Variants in COL4A2 observed in about 807,000 individuals in gnomAD.
COL4A2 encodes the protein collagen alpha-2(IV) chain.
A neutral mutation model predicts 200.2 loss-of-function variants in COL4A2; 99 were observed. The ratio of observed to expected loss-of-function variants is 0.49; its 90% CI spans 0.42 to 0.58. The LOEUF (loss-of-function observed/expected upper bound fraction) is 0.58. Ranked by LOEUF, COL4A2 falls within the 20% of genes least tolerant of loss-of-function variation. COL4A2 has a pLI of 0.00. For missense variants in COL4A2, 1,950 were observed against 2,314.1 expected (o/e 0.84, Z 3.23); for synonymous variants, 897 against 900.6 (o/e 1.00, Z 0.07).
chr13:110,505,178 G>A (rs113382081), intron 45 of COL4A2, among the ~76,000 whole-genome samples: 1,943 of 151,300 alleles, frequency 0.013, 16 homozygotes, highest in Non-Finnish European at 0.02. Context: ...GTGAAACCCC[G>A]TCTCTACTAA....
intron 40 of COL4A2, among the ~76,000 whole-genome samples, chr13:110,497,402 A>G (rs1255694661): frequency 2.8e-5 from 4 of 144,104 alleles, no homozygotes; most frequent in East Asian, 2.2e-4. Context: ...TCCACTCAGG[A>G]CTGAGGATTT....
intron 29 of COL4A2, among the ~76,000 whole-genome samples, chr13:110,476,963 T>C (rs1166361029): frequency 6.6e-6 from 1 of 152,198 alleles, no homozygotes; most frequent in African/African-American, 2.4e-5. Context: ...AGCAGCAGAA[T>C]AAACTTTACA....
intron 3 of COL4A2, among the ~76,000 whole-genome samples, chr13:110,314,285 A>G (rs1044351211): frequency 6.6e-6 from 1 of 152,234 alleles, no homozygotes; most frequent in Non-Finnish European, 1.5e-5. Flanking sequence ...AAATGCTCCC[A>G]GGAGTCAGCA....
chr13:110,495,342 G>A lies in COL4A2; in HGVS notation c.3635G>A (p.Gly1212Asp). The change falls in exon 40 of 48, where the codon GGT (glycine) becomes GAT (aspartate). Residue 1212 changes from glycine to aspartate, a missense_variant and splice_region_variant. This residue lies in a region of COL4A2 where 1,385 missense variants were observed against 1,720.5 expected (regional missense o/e 0.80). Coordinates refer to ENST00000360467, the MANE Select transcript of COL4A2 (RefSeq NM_001846.4). The part of the protein sequence containing the change: ...PGTKGFPGSP[G>D]SDIHGDPGFP... ...AGCTGCTGTTATAACTCTTCCACAGGTTCTGACATCCACGGAGACCCAGGC... is the reference window on the plus strand; with the variant it reads ...AGCTGCTGTTATAACTCTTCCACAGATTCTGACATCCACGGAGACCCAGGC... The A allele has an allele frequency of 1.2e-6, 2 of 1,614,136 alleles. No homozygotes were observed. Among genetic ancestry groups the A allele is most frequent in the Non-Finnish European group, 8.5e-7 (1 of 1,180,014 alleles).
In COL4A2 at chr13:110,507,999, T is replaced by C; in HGVS notation, c.4659T>C (p.Asp1553=). The change falls in exon 47 of 48, where the codon GAT becomes GAC. Residue 1553 remains aspartate (D), a synonymous_variant. Transcript: ENST00000360467. ...TMPFLYCNPG[D]VCYYASRNDK... ...CCTTCCTGTACTGCAACCCTGGTGA[T>C]GTCTGCTACTATGCCAGCCGGAACG... is the stretch of plus-strand genomic sequence containing the variant. 2 of 1,614,226 alleles carry C rather than the reference T, an allele frequency of 1.2e-6. No homozygotes were observed. Among genetic ancestry groups the C allele is most frequent in the Non-Finnish European group, 1.7e-6 (2 of 1,180,048 alleles).
At chr13:110,328,291 A>C (rs1413942906) in intron 3 of COL4A2, 1 of 152,234 alleles carries the variant, frequency 6.6e-6, no homozygotes, top group Admixed American at 6.5e-5. Context: ...GATTGTTTAA[A>C]AATCAGTTAA....
rs756435509 is a variant in COL4A2 at position 110,465,490 on chromosome 13, C to T, written c.1862C>T (p.Pro621Leu). 8.7e-6 allele frequency: 14 copies of T among 1,613,892 alleles called. No individual in the cohort carries two copies. The highest frequency in any genetic ancestry group is 1.2e-5 in the Non-Finnish European group (14 of 1,180,010). The change falls in exon 25 of 48, where the codon CCA (proline) becomes CTA (leucine). Residue 621 changes from proline (P) to leucine (L), a missense_variant. Transcript: ENST00000360467. Reference protein sequence around the residue: ...TKGTPGEMGPPGLGLPGLKGQ... With the variant: ...TKGTPGEMGPLGLGLPGLKGQ... ...GGTACTCCAGGAGAAATGGGCCCCC[C>T]AGGACTGGGCCTTCCCGGCCTCAAA...
At chr13:110,378,409 T>A (rs1878332554) in intron 4 of COL4A2, among the ~76,000 whole-genome samples, 1 of 152,252 alleles carries the variant, frequency 6.6e-6, no homozygotes, top group South Asian at 2.1e-4. Context: ...CCTTTCCCAG[T>A]TGAGGAAACT....
rs45520539 is a variant in COL4A2 at position 110,503,903 on chromosome 13, G to A, written c.4195G>A (p.Val1399Ile). 0.037 allele frequency: 59,844 copies of A among 1,613,090 alleles called. 1,286 individuals are homozygous for A. The highest frequency in any genetic ancestry group is 0.043 in the Non-Finnish European group (50,966 of 1,179,326). Residue 1399 changes from valine (V) to isoleucine (I), a missense_variant, in exon 44 of 48, where the codon GTC becomes ATC. Around this residue, in one of 2 missense-constraint regions of COL4A2, gnomAD observed 1,385 missense variants for 1,720.5 expected, o/e 0.80. Coordinates refer to ENST00000360467, the MANE Select transcript of COL4A2 (RefSeq NM_001846.4). ...TGCAGGAATCCCCCAGAAGATTGCC[G>A]TCCAACCAGGGACAGTGGGTCCCCA... is the stretch of plus-strand genomic sequence containing the variant. The part of the protein sequence containing the change: ...GIAGIPQKIA[V>I]QPGTVGPQGR...
At chr13:110,489,392 G>C (rs995513672) in intron 34 of COL4A2, 53 bp from the exon 35 acceptor site, 4 of 1,556,432 alleles carry the variant, frequency 2.6e-6, no homozygotes, top group Middle Eastern at 1.7e-4. Flanking sequence ...TAACTTCAGA[G>C]TTACAACTGA....
At position 110,407,530 on chromosome 13, in the gene COL4A2, G is replaced by A. The variant is rs113238802; in HGVS notation, c.181-17204G>A. Among the ~76,000 whole-genome samples the A allele has an allele frequency of 5.3e-5, 8 of 152,378 alleles. 1 individual carries two copies. Among genetic ancestry groups the A allele is most frequent in the African/African-American group, 1.7e-4 (7 of 41,588 alleles). ...CCCGAGTTTCACTCTGCAGGGAGCA[G>A]AGGGGCCTTCACGTTTTTACATTAG... On this transcript the variant is annotated intron_variant, in intron 4 of 47. Coordinates refer to ENST00000360467, the MANE Select transcript of COL4A2 (RefSeq NM_001846.4).
At chr13:110,312,027 C>G (rs1330115025) in intron 3 of COL4A2, among the ~76,000 whole-genome samples, 1 of 152,234 alleles carries the variant, frequency 6.6e-6, no homozygotes, top group Non-Finnish European at 1.5e-5. Context: ...TCATGCCGCA[C>G]GAGGCCCAGA....
chr13:110,457,763 G>A, intron 21 of COL4A2: 1 of 498,716 alleles, frequency 2.0e-6, no homozygotes, highest in Non-Finnish European at 4.1e-6. Context: ...CTGCACTCAG[G>A]TAGTGTCTCA....
At chr13:110,472,261 A>G (rs74454173) in intron 28 of COL4A2, among the ~76,000 whole-genome samples, 226 of 79,524 alleles carry the variant, frequency 2.8e-3, no homozygotes, top group East Asian at 0.011. Flanking sequence ...GACTACAGGC[A>G]TCCGCCACCA....
rs947156127 is a variant in COL4A2, at chr13:110,434,284, G to C, written c.685-117G>C. 1.3e-5 allele frequency: 11 copies of C among 831,748 alleles called. No individual in the cohort carries two copies. The Admixed American group carries it at 2.1e-4, about 16-fold the overall frequency. The allele number at this position is 831,748 out of a possible 1,614,324, so 51.5% of individuals were successfully genotyped here. On this transcript the variant is annotated intron_variant, in intron 11 of 47. Transcript: ENST00000360467. ...AAAGCAAGAATATTATGCAAATATA[G>C]TTGCTCAGTAAAGTTGCCGATAAAT... is the stretch of plus-strand genomic sequence containing the variant.
chr13:110,459,938 T>C (rs1380034758), intron 22 of COL4A2, among the ~76,000 whole-genome samples: 1 of 152,194 alleles, frequency 6.6e-6, no homozygotes, highest in Non-Finnish European at 1.5e-5. Flanking sequence ...CTCATGGCCT[T>C]TATTCTGTGC....
Position 110,307,853 on chromosome 13 carries a change from C to A in COL4A2, c.-44-7C>A, listed in dbSNP as rs1884832593. 1 of 1,586,210 alleles carries A rather than the reference C, an allele frequency of 6.3e-7. No individual in the cohort carries two copies. The highest frequency in any genetic ancestry group is 1.8e-4 in the Middle Eastern group (1 of 5,534). On this transcript the variant is annotated splice_region_variant and splice_polypyrimidine_tract_variant and intron_variant, in intron 1 of 47. Coordinates refer to ENST00000360467, the MANE Select transcript of COL4A2 (RefSeq NM_001846.4). The surrounding 1 kb of genome is among the most constrained non-coding windows in gnomAD (Gnocchi z 5.0). ...TGCGCTAAACTCGCTTTGTCTGTCG[C>A]CTCTAGGCTAAGTGGGACTGACCGG...
At chr13:110,443,075 G>C (rs955265833) in intron 16 of COL4A2, among the ~76,000 whole-genome samples, 1 of 152,232 alleles carries the variant, frequency 6.6e-6, no homozygotes. Context: ...CCCTGTGGCT[G>C]TGTGTAGGTT....
intron 41 of COL4A2, chr13:110,502,804 G>A (rs1594112956): frequency 3.5e-6 from 1 of 283,924 alleles, no homozygotes; most frequent in East Asian, 1.0e-4. Context: ...CTGTTGCTGA[G>A]GGTTGGGGGG....
Sources: allele counts gnomAD v4.1 joint callset (sites outside exome capture counted in the v4.1 genomes callset), GRCh38; gene constraint gnomAD v4.1.1; regional missense constraint gnomAD v4.1.1; non-coding constraint Gnocchi (gnomAD v3.1); transcripts MANE v1.5; gene names NCBI Gene and HGNC (gene_info 2026-07-23, HGNC 2026-07-21).